BRSK2: variants seen among roughly 807,000 people sequenced by gnomAD.
BRSK2 encodes BR serine/threonine kinase 2.
Under a neutral mutation model 83.3 loss-of-function variants are expected in BRSK2, and 19 were observed. The observed-to-expected ratio is 0.23, with a 90% CI of 0.16 to 0.33. The LOEUF is 0.33. BRSK2 is among the 10% of genes least tolerant of loss of function. BRSK2 has a pLI of 1.00. For synonymous variants in BRSK2, 519 were observed against 435.4 expected (o/e 1.19, Z -2.39); for missense variants, 798 against 1,042.3 (o/e 0.77, Z 3.23).
intron 1 of BRSK2, among the ~76,000 whole-genome samples, chr11:1,403,454 C>T (rs138193421): frequency 6.6e-6 from 1 of 152,212 alleles, no homozygotes; most frequent in African/African-American, 2.4e-5. Context: ...GGGGGCCCTG[C>T]GCTCCTGGTC....
chr11:1,459,264 G>A (rs534638646), intron 19 of BRSK2, 25 bp downstream of exon 19: 3 of 1,611,546 alleles, frequency 1.9e-6, no homozygotes, highest in Non-Finnish European at 2.5e-6. Context: ...CGCTCACCTG[G>A]CACCTCCACC....
intron 13 of BRSK2, 72 bp downstream of exon 13, chr11:1,449,908 G>C (rs1017542404): frequency 1.6e-6 from 2 of 1,252,962 alleles, no homozygotes; most frequent in African/African-American, 3.0e-5. Flanking sequence ...CGTGTGCCAG[G>C]GTGGGGGCAG....
chr11:1,411,481 C>G (rs1847491921), intron 1 of BRSK2: 2 of 1,481,424 alleles, frequency 1.4e-6, no homozygotes, highest in African/African-American at 1.4e-5. Context: ...CTCTGCTCCC[C>G]AAGAGAGCCC....
intron 18 of BRSK2, among the ~76,000 whole-genome samples, chr11:1,457,600 A>G (rs377141482): frequency 1.3e-5 from 2 of 152,082 alleles, no homozygotes; most frequent in African/African-American, 2.4e-5. Context: ...GAACGCTGGT[A>G]CGGCGTGGGG....
intron 1 of BRSK2, among the ~76,000 whole-genome samples, chr11:1,424,938 C>T (rs776640748): frequency 2.2e-4 from 33 of 152,346 alleles, no homozygotes; most frequent in Non-Finnish European, 2.1e-4. Flanking sequence ...GTGTTCTCCC[C>T]GCCTCCATGG....
chr11:1,442,947 TCTC>T (rs956231050), intron 5 of BRSK2, among the ~76,000 whole-genome samples, 156 bp from the exon 6 acceptor site: 4 of 151,966 alleles, frequency 2.6e-5, no homozygotes, highest in Admixed American at 1.3e-4. Context: ...CCCACCTTGA[TCTC>T]CTCCCAAAAG....
chr11:1,460,329 C>T (rs926259539), intron 19 of BRSK2, among the ~76,000 whole-genome samples, 171 bp from the exon 20 acceptor site: 4 of 152,230 alleles, frequency 2.6e-5, no homozygotes, highest in East Asian at 1.9e-4. Context: ...CACCGGTCCC[C>T]GCTCGGCCCC....
intron 12 of BRSK2, among the ~76,000 whole-genome samples, chr11:1,446,159 G>GCTGGGCTGGC (rs1160828174): frequency 1.3e-5 from 2 of 150,064 alleles, no homozygotes; most frequent in Admixed American, 1.3e-4. Flanking sequence ...GCTAGGCTGA[G>GCTGGGCTGGC]CTGGGCTGGC....
intron 18 of BRSK2, among the ~76,000 whole-genome samples, chr11:1,458,846 G>C (rs1281750840): frequency 6.6e-6 from 1 of 152,178 alleles, no homozygotes; most frequent in Non-Finnish European, 1.5e-5. Flanking sequence ...TGCAGGCCAC[G>C]GCCAGGGCAG....
At chr11:1,396,778 A>T (rs553888936) in intron 1 of BRSK2, among the ~76,000 whole-genome samples, 16 of 152,258 alleles carry the variant, frequency 1.1e-4, no homozygotes, top group African/African-American at 3.8e-4. Context: ...GGTCCCCGTG[A>T]CTGCCGGCCG....
intron 12 of BRSK2, among the ~76,000 whole-genome samples, chr11:1,447,099 G>A (rs1852251185): frequency 6.6e-6 from 1 of 152,052 alleles, no homozygotes; most frequent in Non-Finnish European, 1.5e-5. Context: ...GGCTGGCCCA[G>A]CTTCCAACGT....
Position 1,461,685 on chromosome 11 carries a change from G to C in BRSK2, c.*962G>C, listed in dbSNP as rs532589802. The C allele has an allele frequency of 6.6e-6, 1 of 152,164 alleles. No individual in the cohort carries two copies. The highest frequency in any genetic ancestry group is 1.5e-5 in the Non-Finnish European group (1 of 68,038). 9.4% of individuals were successfully genotyped at this position (152,164 alleles called of 1,614,324 possible). The stretch of plus-strand genomic sequence containing the variant: ...TGAGGACAGAGCTGGTGGGGCGCGG[G>C]GGGGCTGGCGAGCTACTGTAAACTT... On this transcript the variant is annotated 3_prime_UTR_variant, in exon 20 of 20. Coordinates refer to ENST00000528841, the MANE Select transcript of BRSK2 (RefSeq NM_001256627.2).
At chr11:1,429,001 T>A (rs569176082) in intron 1 of BRSK2, among the ~76,000 whole-genome samples, 32 of 145,308 alleles carry the variant, frequency 2.2e-4, no homozygotes, top group African/African-American at 7.8e-4. Context: ...GTGTCCTGGG[T>A]GTGTGTGCAT....
Position 1,454,676 on chromosome 11 carries a change from C to A in BRSK2, c.1668+68C>A, listed in dbSNP as rs1846254542. The A allele has an allele frequency of 6.3e-6, 10 of 1,582,498 alleles. No individual in the cohort carries two copies. The highest frequency in any genetic ancestry group is 1.3e-5 in the African/African-American group (1 of 74,392). ...CCCCACACGGCCCAGCCCCGAGAATCCAGCCTCCTCACGTAGACAGGACAT... is the reference window on the plus strand; with the variant it reads ...CCCCACACGGCCCAGCCCCGAGAATACAGCCTCCTCACGTAGACAGGACAT... On this transcript the variant is annotated intron_variant, in intron 16 of 19. Transcript: ENST00000528841. The surrounding 1 kb of genome is among the most constrained non-coding windows in gnomAD (Gnocchi z 5.2).
chr11:1,410,451 C>T (rs776500081), intron 1 of BRSK2: 32 of 985,272 alleles, frequency 3.2e-5, no homozygotes, highest in Middle Eastern at 5.2e-4. Context: ...TGTTTGGGGG[C>T]GCCGTGAAAG....
intron 12 of BRSK2, among the ~76,000 whole-genome samples, 163 bp downstream of exon 12, chr11:1,446,070 T>TA (rs1554906846): frequency 0.049 from 2,686 of 54,684 alleles, 28 homozygotes; most frequent in Middle Eastern, 0.14. Flanking sequence ...GGGCTGGGCT[T>TA]GGCTGGGCTG....
In BRSK2 at chr11:1,438,496, C is replaced by T. The variant is rs867231237; in HGVS notation, c.272+105C>T. ...GAGCACAGGGGCTGGAGGCCAGGGG[C>T]GCCTGCTGCATCCCAGCAGCCCTGG... On this transcript the variant is annotated intron_variant, in intron 3 of 19. Coordinates refer to ENST00000528841, the MANE Select transcript of BRSK2 (RefSeq NM_001256627.2). The surrounding 1 kb of genome is among the most constrained non-coding windows in gnomAD (Gnocchi z 6.4). 12 of 1,025,954 alleles carry T rather than the reference C, an allele frequency of 1.2e-5. No homozygotes were observed. The highest frequency in any genetic ancestry group is 3.2e-5 in the African/African-American group (2 of 62,918). 63.6% of individuals were successfully genotyped at this position (1,025,954 alleles called of 1,614,324 possible).
chr11:1,456,736 G>C, intron 18 of BRSK2, 49 bp downstream of exon 18: 1 of 1,540,668 alleles, frequency 6.5e-7, no homozygotes, highest in Non-Finnish European at 8.8e-7. Context: ...AGTGGGGCGT[G>C]GCCAGCTGGT....
At chr11:1,453,359 G>A (rs1038682990) in intron 15 of BRSK2, among the ~76,000 whole-genome samples, 1 of 152,228 alleles carries the variant, frequency 6.6e-6, no homozygotes, top group African/African-American at 2.4e-5. Flanking sequence ...AGAGAGTCAC[G>A]TTTGTACCAT....
Sources: allele counts gnomAD v4.1 joint callset (sites outside exome capture counted in the v4.1 genomes callset), GRCh38; gene constraint gnomAD v4.1.1; non-coding constraint Gnocchi (gnomAD v3.1); transcripts MANE v1.5; gene names NCBI Gene and HGNC (gene_info 2026-07-23, HGNC 2026-07-21).